ANGPT2: variants seen among roughly 807,000 people sequenced by gnomAD.
ANGPT2 encodes angiopoietin-2.
A neutral mutation model predicts 62.9 loss-of-function variants in ANGPT2; 28 were observed. The observed-to-expected ratio is 0.44, with a 90% CI of 0.33 to 0.61. The LOEUF (loss-of-function observed/expected upper bound fraction) is 0.61, where lower values mean the gene tolerates loss of function less well. Ranked by LOEUF, ANGPT2 falls within the 20% of genes least tolerant of loss-of-function variation. The pLI is 0.03. For synonymous variants in ANGPT2, 284 were observed against 207.8 expected, an observed-to-expected ratio of 1.37 and a Z score of -3.15; for missense variants, 727 against 594.9, an observed-to-expected ratio of 1.22 and a Z score of -2.31.
rs143347763 is a variant in ANGPT2, at chr8:6,553,307, G to C, written c.288+9340C>G. On this transcript the variant is annotated intron_variant, in intron 1 of 8. Transcript: ENST00000629816. ...AAAAATCATTTACTACATATGAAAA[G>C]GAACAAGTAAAGCAACAACAACAAA... Among the ~76,000 whole-genome samples, 1,028 of 152,204 alleles carry C rather than the reference G, an allele frequency of 6.8e-3. 6 individuals carry two copies. The highest frequency in any genetic ancestry group is 0.024 in the Middle Eastern group (7 of 294).
At chr8:6,506,596 C>T (rs892755919) in intron 8 of ANGPT2, among the ~76,000 whole-genome samples, 1 of 152,146 alleles carries the variant, frequency 6.6e-6, no homozygotes, top group Non-Finnish European at 1.5e-5. Context: ...TCTGTGGCTC[C>T]TCCACCTGAC....
intron 1 of ANGPT2, among the ~76,000 whole-genome samples, chr8:6,536,970 A>C (rs1407319442): frequency 7.1e-6 from 1 of 141,334 alleles, no homozygotes; most frequent in East Asian, 2.0e-4. Context: ...GTCTTAGTAC[A>C]AGAAAAAAAA....
chr8:6,546,205 C>A (rs1487739019), intron 1 of ANGPT2, among the ~76,000 whole-genome samples: 8 of 152,170 alleles, frequency 5.3e-5, no homozygotes, highest in Non-Finnish European at 1.2e-4. Context: ...GCCAAGGCAC[C>A]CTGGGTCCTT....
intron 1 of ANGPT2, among the ~76,000 whole-genome samples, chr8:6,560,220 A>AT (rs936559809): frequency 2.6e-5 from 4 of 152,090 alleles, no homozygotes; most frequent in Admixed American, 6.6e-5. Flanking sequence ...ATATGGAAAC[A>AT]TTTTTTTCAA....
chr8:6,562,591 G>GCTGCC (rs2129575916), intron 1 of ANGPT2, 56 bp downstream of exon 1: 1 of 180,030 alleles, frequency 5.6e-6, no homozygotes, highest in South Asian at 8.8e-5. Flanking sequence ...AACCTGAGCT[G>GCTGCC]CTGCCAAGCT....
chr8:6,535,671 G>A (rs58802159), intron 1 of ANGPT2, among the ~76,000 whole-genome samples: 5,559 of 152,202 alleles, frequency 0.037, 350 homozygotes, highest in African/African-American at 0.13. Context: ...GATACTGACT[G>A]CATTGCTAAT....
chr8:6,545,485 A>C (rs2515488), intron 1 of ANGPT2, among the ~76,000 whole-genome samples: 75,240 of 152,116 alleles, frequency 0.49, 18,809 homozygotes, highest in African/African-American at 0.57. Context: ...GCACCTAAAT[A>C]ATGCCTAATG....
rs76678859 is a variant in ANGPT2, at chr8:6,545,018, C to T, written c.289-12531G>A. ...TCTGCAGTTCCATTTTAACAAATAA[C>T]ATAATAGATCGCTGTCAAATGAATG... On this transcript the variant is annotated intron_variant, in intron 1 of 8. Coordinates refer to ENST00000629816, the MANE Select transcript of ANGPT2 (RefSeq NM_001118887.2). Among the ~76,000 whole-genome samples, 80 of 152,188 alleles carry T rather than the reference C, an allele frequency of 5.3e-4. 4 individuals are homozygous for T. In the East Asian group the frequency reaches 0.015, roughly 29 times the overall value.
chr8:6,514,024 C>A (rs2442628), intron 6 of ANGPT2, among the ~76,000 whole-genome samples, 180 bp from the exon 7 acceptor site: 4 of 152,046 alleles, frequency 2.6e-5, no homozygotes, highest in African/African-American at 9.7e-5. Flanking sequence ...AGTTATTAGA[C>A]ACTAAGCTGC....
In ANGPT2 at chr8:6,527,731, C is replaced by T. The variant is rs1483680812; in HGVS notation, c.445-55G>A. ...ATTATTTTTTAATTAGTTTAACTTT[C>T]TAACTTCCTTTTCATTAAAGTACCC... is the stretch of plus-strand genomic sequence containing the variant. On this transcript the variant is annotated intron_variant, in intron 2 of 8. Coordinates refer to ENST00000629816, the MANE Select transcript of ANGPT2 (RefSeq NM_001118887.2). 4.0e-6 allele frequency: 6 copies of T among 1,483,286 alleles called. No homozygotes were observed. The South Asian group carries it at 6.4e-5, about 16-fold the overall frequency. 91.9% of individuals were successfully genotyped at this position (1,483,286 alleles called of 1,614,324 possible). A position where few individuals can be genotyped will look rare whatever the true frequency, so the allele number is the denominator to read the frequency against.
At chr8:6,544,643 C>T (rs879586969) in intron 1 of ANGPT2, among the ~76,000 whole-genome samples, 19 of 151,906 alleles carry the variant, frequency 1.3e-4, no homozygotes, top group African/African-American at 2.2e-4. Flanking sequence ...TGAAATGAAG[C>T]GCAAGCACAT....
At chr8:6,545,259 G>GGT (rs1822365370) in intron 1 of ANGPT2, among the ~76,000 whole-genome samples, 1 of 152,138 alleles carries the variant, frequency 6.6e-6, no homozygotes, top group African/African-American at 2.4e-5. Flanking sequence ...TCTTGACCTC[G>GGT]GTGCTGGTTA....
At chr8:6,515,613 A>T (rs940959182) in intron 5 of ANGPT2, among the ~76,000 whole-genome samples, 2 of 152,246 alleles carry the variant, frequency 1.3e-5, no homozygotes, top group African/African-American at 4.8e-5. Flanking sequence ...TTATGAAATT[A>T]AAAACCCCTG....
intron 1 of ANGPT2, among the ~76,000 whole-genome samples, chr8:6,543,591 A>C (rs894517421): frequency 1.3e-5 from 2 of 152,158 alleles, no homozygotes; most frequent in African/African-American, 4.8e-5. Flanking sequence ...TTCAGAAAAG[A>C]AATGTGTTCT....
At chr8:6,532,204 T>C in intron 2 of ANGPT2, 128 bp downstream of exon 2, 1 of 1,093,344 alleles carries the variant, frequency 9.1e-7, no homozygotes. Context: ...TTCTTATCAA[T>C]TCATTCCTTT....
Position 6,499,844 on chromosome 8 carries a change from A to G in ANGPT2, c.*3257T>C. 1 of 1,612,424 alleles carries G rather than the reference A, an allele frequency of 6.2e-7. No individual in the cohort carries two copies. Among genetic ancestry groups the G allele is most frequent in the Non-Finnish European group, 8.5e-7 (1 of 1,179,544 alleles). On this transcript the variant is annotated 3_prime_UTR_variant, in exon 9 of 9. Transcript: ENST00000629816. The stretch of plus-strand genomic sequence containing the variant: ...GTATAATAAATCTGCTTGTTGTGTC[A>G]CTTGCAGGTGCTATGGTCTTTAGAA...
intron 3 of ANGPT2, among the ~76,000 whole-genome samples, chr8:6,524,588 T>C (rs746107503): frequency 4.8e-4 from 73 of 152,354 alleles, no homozygotes; most frequent in African/African-American, 1.6e-3. Flanking sequence ...AGAGATGTAT[T>C]GAACACCTAC....
intron 5 of ANGPT2, among the ~76,000 whole-genome samples, chr8:6,516,518 A>C (rs562574861): frequency 6.6e-6 from 1 of 152,348 alleles, no homozygotes; most frequent in East Asian, 1.9e-4. Flanking sequence ...AAGTCCCTCA[A>C]CACAGTTCCA....
intron 2 of ANGPT2, among the ~76,000 whole-genome samples, 175 bp from the exon 3 acceptor site, chr8:6,527,851 A>G (rs1283227585): frequency 6.6e-6 from 1 of 151,140 alleles, no homozygotes; most frequent in African/African-American, 2.4e-5. Context: ...AATGTCTTAG[A>G]TCACATCTGA....
Sources: gnomAD v4.1 joint callset for allele counts (sites outside exome capture counted in the v4.1 genomes callset) on GRCh38, gnomAD v4.1.1 for gene constraint, MANE v1.5 for transcripts, NCBI Gene and HGNC (gene_info 2026-07-23, HGNC 2026-07-21) for gene names.